MEGF11: variants seen among roughly 807,000 people sequenced by gnomAD.
MEGF11 encodes multiple EGF like domains 11, also known as multiple epidermal growth factor-like domains protein 11.
In MEGF11, 126 loss-of-function variants were observed where a neutral mutation model predicts 146.6. That is an observed-to-expected ratio of 0.86 (90% CI 0.74 to 1.00). The LOEUF (loss-of-function observed/expected upper bound fraction) is 1.00. MEGF11 is among the 50% of genes least tolerant of loss of function. The pLI is 0.00. For missense variants in MEGF11, 1,509 were observed against 1,521.2 expected (o/e 0.99, Z 0.13); for synonymous variants, 532 against 583.4 (o/e 0.91, Z 1.27).
intron 5 of MEGF11, among the ~76,000 whole-genome samples, chr15:66,001,994 A>T (rs1223752998): frequency 6.6e-6 from 1 of 152,020 alleles, no homozygotes; most frequent in Non-Finnish European, 1.5e-5. Context: ...TCAGTGCCTA[A>T]TTGGCAGCTA....
At chr15:66,008,924 C>T (rs1043036322) in intron 5 of MEGF11, among the ~76,000 whole-genome samples, 24 of 152,096 alleles carry the variant, frequency 1.6e-4, no homozygotes, top group Admixed American at 1.4e-3. Context: ...TATCTTACAA[C>T]AGCTCCTCTT....
Position 65,942,560 on chromosome 15 carries a change from G to A in MEGF11, c.1288-11617C>T, listed in dbSNP as rs914255014. Among the ~76,000 whole-genome samples, 7 of 152,190 alleles carry A rather than the reference G, an allele frequency of 4.6e-5. No homozygotes were observed. The East Asian group carries it at 1.4e-3, about 29-fold the overall frequency. On this transcript the variant is annotated intron_variant, in intron 10 of 25. Transcript: ENST00000395614. ...TGATGACTATGGTGGTGGTGGTGGC[G>A]GTGCTGTGTTGCTGCTGCTGACCTC...
chr15:66,126,498 A>G (rs2088354905), intron 2 of MEGF11, among the ~76,000 whole-genome samples: 1 of 152,226 alleles, frequency 6.6e-6, no homozygotes, highest in Non-Finnish European at 1.5e-5. Context: ...AAATGTATTC[A>G]TGTTGGGCAG....
chr15:65,954,545 G>A (rs570603211), intron 10 of MEGF11, among the ~76,000 whole-genome samples: 1 of 152,302 alleles, frequency 6.6e-6, no homozygotes, highest in South Asian at 2.1e-4. Flanking sequence ...CAGGAATAAC[G>A]AGGCTGGGTG....
Position 65,909,132 on chromosome 15 carries a change from G to A in MEGF11, c.2900C>T (p.Ser967Phe), listed in dbSNP as rs1874133478. The change falls in exon 23 of 26, where the codon TCC becomes TTC. Residue 967 changes from serine to phenylalanine, a missense_variant. By Grantham distance (155) the Ser-to-Phe change is radical. Coordinates refer to ENST00000395614, the MANE Select transcript of MEGF11 (RefSeq NM_001385028.1). ...CTCCAGGGCACTGATCTGGAAATGG[G>A]AGTCTAGTGAGAGGAATGACAGGGA... ...TPYSYVNVLD[S>F]HFQISALEAR... is the part of the protein sequence containing the mutation. 6.5e-7 allele frequency: 1 copy of A among 1,529,788 alleles called. No homozygotes were observed. The highest frequency in any genetic ancestry group is 2.0e-5 in the Admixed American group (1 of 50,976). The allele number at this position is 1,529,788 out of a possible 1,614,324, so 94.8% of individuals were successfully genotyped here. A position where few individuals can be genotyped will look rare whatever the true frequency, so the allele number is the denominator to read the frequency against.
chr15:66,004,110 A>C (rs2082449928), intron 5 of MEGF11, among the ~76,000 whole-genome samples: 2 of 152,096 alleles, frequency 1.3e-5, no homozygotes, highest in African/African-American at 4.8e-5. Flanking sequence ...CAGAGAAACA[A>C]CCCAAACACC....
Position 66,221,896 on chromosome 15 carries a change from C to T in MEGF11, c.-9+31709G>A, listed in dbSNP as rs75260291. The stretch of plus-strand genomic sequence containing the variant: ...TAAAGCCACATAAAAGCTGCCCCTG[C>T]TAACAGCACTTTCCTGATTTCCTCA... On this transcript the variant is annotated intron_variant, in intron 1 of 25. Transcript: ENST00000395614. Among the ~76,000 whole-genome samples, 689 of 152,238 alleles carry T rather than the reference C, an allele frequency of 4.5e-3. 10 individuals carry two copies. Among genetic ancestry groups the T allele is most frequent in the African/African-American group, 0.016 (651 of 41,530 alleles).
intron 1 of MEGF11, among the ~76,000 whole-genome samples, chr15:66,164,130 G>A (rs896876745): frequency 2.6e-5 from 4 of 152,274 alleles, no homozygotes; most frequent in Admixed American, 6.5e-5. Flanking sequence ...TGGCCTGAAC[G>A]AAGCTAAACC....
chr15:66,020,865 G>A (rs1210301423), intron 5 of MEGF11, among the ~76,000 whole-genome samples: 1 of 152,044 alleles, frequency 6.6e-6, no homozygotes, highest in Admixed American at 6.6e-5. Flanking sequence ...GGTGGTAGGC[G>A]CCTGTAGTCC....
At chr15:65,980,558 C>T (rs2141677332) in intron 7 of MEGF11, among the ~76,000 whole-genome samples, 1 of 152,192 alleles carries the variant, frequency 6.6e-6, no homozygotes, top group African/African-American at 2.4e-5. Flanking sequence ...GACACAACGC[C>T]TGGCTAATTT....
chr15:66,200,264 T>C (rs948755896), intron 1 of MEGF11, among the ~76,000 whole-genome samples: 1 of 152,270 alleles, frequency 6.6e-6, no homozygotes, highest in Non-Finnish European at 1.5e-5. Flanking sequence ...TATACGTTTC[T>C]GGGTTTTTGT....
chr15:66,242,630 G>A (rs2092232514), intron 1 of MEGF11, among the ~76,000 whole-genome samples: 1 of 152,122 alleles, frequency 6.6e-6, no homozygotes, highest in Non-Finnish European at 1.5e-5. Flanking sequence ...CAGTAGGAAA[G>A]GGCAAGCAAG....
At chr15:66,242,643 AC>A (rs1461451230) in intron 1 of MEGF11, among the ~76,000 whole-genome samples, 1 of 151,882 alleles carries the variant, frequency 6.6e-6, no homozygotes, top group Non-Finnish European at 1.5e-5. Flanking sequence ...CAAGCAAGAG[AC>A]CCAACTCTTG....
intron 1 of MEGF11, among the ~76,000 whole-genome samples, chr15:66,165,489 T>C (rs548328834): frequency 5.3e-5 from 8 of 152,192 alleles, no homozygotes; most frequent in Admixed American, 1.3e-4. Flanking sequence ...GAAAGGAACA[T>C]CTTTTTTAAA....
At chr15:66,161,233 A>C (rs911107204) in intron 1 of MEGF11, among the ~76,000 whole-genome samples, 7 of 152,230 alleles carry the variant, frequency 4.6e-5, no homozygotes, top group African/African-American at 7.2e-5. Flanking sequence ...GAGGTGAAAC[A>C]TAATAGCGAT....
intron 5 of MEGF11, among the ~76,000 whole-genome samples, chr15:65,997,592 A>C (rs1234673530): frequency 1.3e-5 from 2 of 152,096 alleles, no homozygotes; most frequent in Non-Finnish European, 2.9e-5. Flanking sequence ...CGATGTAACC[A>C]CTATATTGCC....
rs183274847 is a variant in MEGF11 at position 66,115,081 on chromosome 15, A to T, written c.301+4005T>A. Among the ~76,000 whole-genome samples the T allele has an allele frequency of 1.5e-3, 236 of 152,302 alleles. 1 individual carries two copies. Among genetic ancestry groups the T allele is most frequent in the South Asian group, 0.013 (61 of 4,832 alleles). On this transcript the variant is annotated intron_variant, in intron 4 of 25. Coordinates refer to ENST00000395614, the MANE Select transcript of MEGF11 (RefSeq NM_001385028.1). ...TTCACGCCCGGGCCTGCTCCTTGTC[A>T]GCCTGCAAGAAACAAGGCTCCCAGA...
chr15:66,105,238 A>G (rs1374816263), intron 4 of MEGF11, among the ~76,000 whole-genome samples: 1 of 152,180 alleles, frequency 6.6e-6, no homozygotes, highest in African/African-American at 2.4e-5. Flanking sequence ...CCTTGATTCT[A>G]GGGTCCAGAT....
intron 4 of MEGF11, among the ~76,000 whole-genome samples, chr15:66,117,683 G>T (rs1317942789): frequency 6.6e-6 from 1 of 151,880 alleles, no homozygotes; most frequent in Non-Finnish European, 1.5e-5. Context: ...GTCTCATTTC[G>T]CACTACTCCA....
Sources: gnomAD v4.1 joint callset for allele counts (sites outside exome capture counted in the v4.1 genomes callset) on GRCh38, gnomAD v4.1.1 for gene constraint, MANE v1.5 for transcripts, NCBI Gene and HGNC (gene_info 2026-07-23, HGNC 2026-07-21) for gene names.